Variants in NPSR1 observed in about 807,000 individuals in gnomAD.
The protein encoded by NPSR1 is neuropeptide S receptor 1, also known as neuropeptide S receptor.
NPSR1 carries 48 observed loss-of-function variants against 46.9 expected under a neutral mutation model. The observed-to-expected ratio is 1.02, with a 90% CI of 0.81 to 1.30. The LOEUF (loss-of-function observed/expected upper bound fraction) is 1.30. NPSR1 is among the 50% of genes most tolerant of loss of function. The pLI, the probability that NPSR1 is intolerant of heterozygous loss-of-function variation, is 0.00. For synonymous variants in NPSR1, 176 were observed against 168.1 expected, an observed-to-expected ratio of 1.05 and a Z score of -0.36; for missense variants, 450 against 449.5, an observed-to-expected ratio of 1.00 and a Z score of -0.01.
intron 3 of NPSR1, chr7:34,779,578 G>T: frequency 1.6e-6 from 2 of 1,272,840 alleles, no homozygotes; most frequent in South Asian, 4.5e-5. Flanking sequence ...TTCAGAAAAT[G>T]AATATGGAAT....
At chr7:34,773,547 G>A (rs1408842143) in intron 2 of NPSR1, among the ~76,000 whole-genome samples, 1 of 152,162 alleles carries the variant, frequency 6.6e-6, no homozygotes, top group African/African-American at 2.4e-5. Flanking sequence ...TGGACAGCTG[G>A]CTGATGCAGG....
downstream of NPSR1, among the ~76,000 whole-genome samples, chr7:34,853,972 A>AAC (rs1315698672): frequency 4.0e-4 from 61 of 151,894 alleles, no homozygotes; most frequent in African/African-American, 1.4e-3. Flanking sequence ...GCCTGGAAAA[A>AAC]AAAAAAACAA....
At chr7:34,730,988 T>C (rs1010139697) in intron 2 of NPSR1, among the ~76,000 whole-genome samples, 1 of 152,166 alleles carries the variant, frequency 6.6e-6, no homozygotes, top group African/African-American at 2.4e-5. Context: ...GCCATGAAAT[T>C]ATTTTTAGGA....
At chr7:34,690,533 C>T (rs921371013) in intron 2 of NPSR1, among the ~76,000 whole-genome samples, 1 of 151,748 alleles carries the variant, frequency 6.6e-6, no homozygotes, top group Non-Finnish European at 1.5e-5. Flanking sequence ...GAGATAGATA[C>T]CACTAAAATA....
intron 2 of NPSR1, among the ~76,000 whole-genome samples, chr7:34,705,728 C>T (rs1212275129): frequency 6.6e-6 from 1 of 151,932 alleles, no homozygotes; most frequent in African/African-American, 2.4e-5. Flanking sequence ...CACTTGTTTG[C>T]CAAGCACCGA....
chr7:34,802,837 C>T (rs906377450), intron 3 of NPSR1, among the ~76,000 whole-genome samples: 1 of 150,320 alleles, frequency 6.7e-6, no homozygotes, highest in Non-Finnish European at 1.5e-5. Context: ...GGCTAATATC[C>T]AGAATCTACA....
At chr7:34,857,738 A>G (rs1791082108) in intron 8 of NPSR1, among the ~76,000 whole-genome samples, 2 of 151,770 alleles carry the variant, frequency 1.3e-5, no homozygotes, top group African/African-American at 2.4e-5. Context: ...TCATCAAAAT[A>G]TATTAAAAAT....
intron 2 of NPSR1, chr7:34,751,097 G>A (rs1785498597): frequency 1.2e-6 from 1 of 804,794 alleles, no homozygotes; most frequent in Non-Finnish European, 2.3e-6. Flanking sequence ...TGTCCTTGAG[G>A]ATCAGGTGGA....
chr7:34,790,861 T>TATATGTTATATTATACATC (rs1787751420), intron 3 of NPSR1, among the ~76,000 whole-genome samples: 4 of 115,824 alleles, frequency 3.5e-5, no homozygotes, highest in Non-Finnish European at 6.9e-5. Flanking sequence ...TATGTTATGT[T>TATATGTTATATTATACATC]ATATATGTTA....
chr7:34,761,220 T>C (rs937287022), intron 2 of NPSR1: 5 of 152,538 alleles, frequency 3.3e-5, no homozygotes, highest in African/African-American at 1.2e-4. Flanking sequence ...GAAGTAAGAT[T>C]GGGCTGGAGG....
At chr7:34,853,821 C>T (rs1373781066), downstream of NPSR1, among the ~76,000 whole-genome samples, 7 of 151,936 alleles carry the variant, frequency 4.6e-5, no homozygotes, top group South Asian at 2.1e-4. Context: ...AAAAATTAGC[C>T]GGGTATGGTG....
At chr7:34,771,370 G>T (rs900876300) in intron 2 of NPSR1, among the ~76,000 whole-genome samples, 1 of 152,182 alleles carries the variant, frequency 6.6e-6, no homozygotes, top group Non-Finnish European at 1.5e-5. Context: ...ATCCTGGGAA[G>T]TTGAGGCTGC....
intron 3 of NPSR1, among the ~76,000 whole-genome samples, chr7:34,802,413 A>G (rs1050034000): frequency 3.3e-5 from 5 of 150,082 alleles, no homozygotes; most frequent in Admixed American, 2.6e-4. Flanking sequence ...ATAACGCCGC[A>G]TATCTACAAC....
chr7:34,790,629 T>C (rs1787689561), intron 3 of NPSR1, among the ~76,000 whole-genome samples: 1 of 144,658 alleles, frequency 6.9e-6, no homozygotes, highest in Non-Finnish European at 1.5e-5. Flanking sequence ...ATATATAAAA[T>C]ATATAATTTA....
intron 2 of NPSR1, among the ~76,000 whole-genome samples, chr7:34,706,372 T>A (rs1368031024): frequency 1.3e-5 from 2 of 152,060 alleles, no homozygotes; most frequent in Non-Finnish European, 2.9e-5. Flanking sequence ...TAACTGTCTG[T>A]CTATATGTTA....
intron 4 of NPSR1, among the ~76,000 whole-genome samples, chr7:34,814,041 A>G (rs931188946): frequency 3.3e-5 from 5 of 152,218 alleles, no homozygotes; most frequent in Admixed American, 3.3e-4. Context: ...TGCCTGGTTC[A>G]TCTCACTGGG....
At chr7:34,678,842 A>C (rs1260379844) in intron 1 of NPSR1, among the ~76,000 whole-genome samples, 1 of 149,654 alleles carries the variant, frequency 6.7e-6, no homozygotes, top group Non-Finnish European at 1.5e-5. Flanking sequence ...AAGAAAAAAG[A>C]AAAAAAAAAG....
chr7:34,814,590 C>G (rs1789151987), intron 4 of NPSR1, among the ~76,000 whole-genome samples: 1 of 152,240 alleles, frequency 6.6e-6, no homozygotes, highest in Non-Finnish European at 1.5e-5. Flanking sequence ...ACTGCCTCCT[C>G]AAGTGGGTCC....
intron 1 of NPSR1, among the ~76,000 whole-genome samples, chr7:34,668,635 G>A (rs959327301): frequency 2.6e-5 from 4 of 152,176 alleles, no homozygotes; most frequent in African/African-American, 4.8e-5. Flanking sequence ...TCCTACTCAT[G>A]TCCCATGTCC....
Sources: gnomAD v4.1 joint callset for allele counts (sites outside exome capture counted in the v4.1 genomes callset) on GRCh38, gnomAD v4.1.1 for gene constraint, MANE v1.5 for transcripts, NCBI Gene and HGNC (gene_info 2026-07-23, HGNC 2026-07-21) for gene names.